Variants in RASGEF1A observed in about 807,000 individuals in gnomAD.
The protein encoded by RASGEF1A is ras-GEF domain-containing family member 1A.
In RASGEF1A, 18 loss-of-function variants were observed where a neutral mutation model predicts 56.4. That is an observed-to-expected ratio of 0.32 (90% CI 0.22 to 0.47). The LOEUF is 0.47. RASGEF1A is among the 20% of genes least tolerant of loss of function. The probability of loss-of-function intolerance (pLI) is 1.00; values close to 1 mark genes in which losing one functional copy is unlikely to be tolerated. For synonymous variants in RASGEF1A, 245 were observed against 242.6 expected (o/e 1.01, Z -0.09); for missense variants, 422 against 627.1 (o/e 0.67, Z 3.49).
chr10:43,250,200 G>A (rs559007664), intron 1 of RASGEF1A, among the ~76,000 whole-genome samples: 2 of 152,364 alleles, frequency 1.3e-5, no homozygotes, highest in African/African-American at 4.8e-5. Flanking sequence ...CAGTCTCGGA[G>A]CTATGGAGGA....
intron 1 of RASGEF1A, among the ~76,000 whole-genome samples, chr10:43,265,695 C>T (rs372822596): frequency 2.6e-5 from 4 of 152,358 alleles, no homozygotes; most frequent in African/African-American, 9.6e-5. Flanking sequence ...GTCTCAGAAG[C>T]CTGCAGCCTG....
chr10:43,197,214 CAAGA>C, intron 10 of RASGEF1A, 115 bp from the exon 11 acceptor site: 4 of 1,244,382 alleles, frequency 3.2e-6, no homozygotes, highest in Non-Finnish European at 4.5e-6. Context: ...CTGGTCCCAG[CAAGA>C]TGGGACAGTG....
At chr10:43,219,022 G>T (rs534866678) in intron 1 of RASGEF1A, among the ~76,000 whole-genome samples, 1 of 152,280 alleles carries the variant, frequency 6.6e-6, no homozygotes, top group African/African-American at 2.4e-5. Context: ...CCTGCTCAGG[G>T]CATAGAACAT....
intron 1 of RASGEF1A, among the ~76,000 whole-genome samples, chr10:43,246,146 T>C (rs996552655): frequency 4.6e-5 from 7 of 152,108 alleles, no homozygotes; most frequent in Admixed American, 3.9e-4. Flanking sequence ...GAAAATAAAA[T>C]TAAGAAAACA....
intron 1 of RASGEF1A, among the ~76,000 whole-genome samples, chr10:43,233,842 C>T (rs955548884): frequency 2.0e-5 from 3 of 152,188 alleles, no homozygotes; most frequent in African/African-American, 4.8e-5. Context: ...ACAAGGGCTT[C>T]GAACTGAAAA....
In RASGEF1A at chr10:43,200,313, A is replaced by C. The variant is rs982816545; in HGVS notation, c.682-57T>G. On this transcript the variant is annotated intron_variant, in intron 5 of 12. Coordinates refer to ENST00000395810, the MANE Select transcript of RASGEF1A (RefSeq NM_145313.4). Reference sequence around the variant, plus strand: ...AAGCTTCCCCTGGAGAAGGGACAGCACTGCATAGGCATGCGGACAGGGAGA... The same window carrying C: ...AAGCTTCCCCTGGAGAAGGGACAGCCCTGCATAGGCATGCGGACAGGGAGA... The C allele has an allele frequency of 3.2e-5, 47 of 1,446,834 alleles. No individual in the cohort carries two copies. The African/African-American group carries it at 5.6e-4, about 17-fold the overall frequency. The allele number at this position is 1,446,834 out of a possible 1,614,324, so 89.6% of individuals were successfully genotyped here.
At chr10:43,260,712 TCTC>T (rs1360487620) in intron 1 of RASGEF1A, among the ~76,000 whole-genome samples, 1 of 151,814 alleles carries the variant, frequency 6.6e-6, no homozygotes, top group Non-Finnish European at 1.5e-5. Flanking sequence ...GGTGTGGACT[TCTC>T]CTGTACAACT....
chr10:43,201,560 T>C (rs755948330), intron 4 of RASGEF1A, among the ~76,000 whole-genome samples: 1 of 152,132 alleles, frequency 6.6e-6, no homozygotes, highest in Non-Finnish European at 1.5e-5. Context: ...GTTGAGACAA[T>C]GATTGCCAGG....
At chr10:43,239,998 T>A (rs533763469) in intron 1 of RASGEF1A, among the ~76,000 whole-genome samples, 6 of 152,190 alleles carry the variant, frequency 3.9e-5, no homozygotes. Flanking sequence ...ATCTAGAAGG[T>A]CAAGTGCATG....
At chr10:43,208,670 G>A in intron 1 of RASGEF1A, 1 of 985,646 alleles carries the variant, frequency 1.0e-6, no homozygotes, top group Non-Finnish European at 1.2e-6. Context: ...AGACCCACCT[G>A]GGGACACGGC....
intron 1 of RASGEF1A, among the ~76,000 whole-genome samples, chr10:43,256,731 G>A (rs1296399465): frequency 2.0e-5 from 3 of 152,164 alleles, no homozygotes; most frequent in Admixed American, 1.3e-4. Context: ...ACAGAGCAGT[G>A]CCCCCACTCG....
At chr10:43,237,219 T>C (rs1840441664) in intron 1 of RASGEF1A, among the ~76,000 whole-genome samples, 2 of 152,082 alleles carry the variant, frequency 1.3e-5, no homozygotes, top group East Asian at 1.9e-4. Context: ...GCCTGCTCTA[T>C]GGAAATTGGA....
rs1442746897 is a variant in RASGEF1A at position 43,194,755 on chromosome 10, C to G, written c.*1489G>C. On this transcript the variant is annotated 3_prime_UTR_variant, in exon 13 of 13. Transcript: ENST00000395810. Reference sequence around the variant, plus strand: ...AGTGCACGTGGGTGTGTACAGAAACCGTTCTAAGGCTGTATTCCAAATATA... The same window carrying G: ...AGTGCACGTGGGTGTGTACAGAAACGGTTCTAAGGCTGTATTCCAAATATA... The G allele has an allele frequency of 6.6e-6, 1 of 152,492 alleles. No individual in the cohort carries two copies. The highest frequency in any genetic ancestry group is 2.4e-5 in the African/African-American group (1 of 41,472). The allele number at this position is 152,492 out of a possible 1,614,324, so 9.4% of individuals were successfully genotyped here.
intron 1 of RASGEF1A, chr10:43,207,580 G>A (rs955189201): frequency 2.0e-6 from 2 of 985,490 alleles, no homozygotes; most frequent in Non-Finnish European, 2.4e-6. Flanking sequence ...GCAACCAAAG[G>A]CCCCACGATG....
rs538505830 is a variant in RASGEF1A at position 43,206,496 on chromosome 10, G to T, written c.-6-374C>A. 8.5e-5 allele frequency among the ~76,000 whole-genome samples: 13 copies of T among 152,332 alleles called. No individual in the cohort carries two copies. The South Asian group carries it at 2.7e-3, about 32-fold the overall frequency. On this transcript the variant is annotated intron_variant, in intron 1 of 12. Transcript: ENST00000395810. ...GTGAACAACTGATGGGGCTGGCCGC[G>T]CAGCTCCCAGGATAAGAAAGGAACA...
At chr10:43,229,836 C>T (rs1840338080) in intron 1 of RASGEF1A, 2 of 947,746 alleles carry the variant, frequency 2.1e-6, no homozygotes, top group Non-Finnish European at 2.8e-6. Flanking sequence ...CCGCGGGGTC[C>T]GGGCGGGGCA....
rs1302039231 is a variant in RASGEF1A, at chr10:43,199,776, G to T, written c.757-8C>A. The T allele has an allele frequency of 2.5e-6, 4 of 1,611,150 alleles. No individual in the cohort carries two copies. ...GGTCAGGTCCCCTCGGCACTGGAAAGGACACAGCAGGTCATAGGGGGCCTG... is the reference window on the plus strand; with the variant it reads ...GGTCAGGTCCCCTCGGCACTGGAAATGACACAGCAGGTCATAGGGGGCCTG... On this transcript the variant is annotated splice_region_variant and splice_polypyrimidine_tract_variant and intron_variant, in intron 6 of 12. Coordinates refer to ENST00000395810, the MANE Select transcript of RASGEF1A (RefSeq NM_145313.4).
intron 1 of RASGEF1A, among the ~76,000 whole-genome samples, chr10:43,258,934 C>T (rs1014578584): frequency 6.6e-6 from 1 of 152,224 alleles, no homozygotes; most frequent in Admixed American, 6.5e-5. Flanking sequence ...ATGTGCAGGC[C>T]CCAGACTCCC....
At chr10:43,233,912 A>C (rs1339767850) in intron 1 of RASGEF1A, among the ~76,000 whole-genome samples, 1 of 152,170 alleles carries the variant, frequency 6.6e-6, no homozygotes, top group Non-Finnish European at 1.5e-5. Flanking sequence ...TGTGTCACTC[A>C]ATGGAACGCT....
Sources: gnomAD v4.1 joint callset for allele counts (sites outside exome capture counted in the v4.1 genomes callset) on GRCh38, gnomAD v4.1.1 for gene constraint, MANE v1.5 for transcripts, NCBI Gene and HGNC (gene_info 2026-07-23, HGNC 2026-07-21) for gene names.